MALAT1: variants seen among roughly 807,000 people sequenced by gnomAD.
MALAT1 encodes the protein hepcarcin.
exon 3 of MALAT1, chr11:65,501,723 G>GCA (rs1159633429): frequency 1.9e-6 from 1 of 518,884 alleles, no homozygotes; most frequent in African/African-American, 1.9e-5. Context: ...GAAAAGTACA[G>GCA]CACAGTGCAG....
rs775276724 is a variant in MALAT1 at position 65,503,011 on chromosome 11, C to A, written n.4274C>A. 105 of 502,352 alleles carry A rather than the reference C, an allele frequency of 2.1e-4. 1 individual carries two copies. The highest frequency in any genetic ancestry group is 2.6e-4 in the Non-Finnish European group (66 of 252,510). 31.1% of individuals were successfully genotyped at this position (502,352 alleles called of 1,614,324 possible). On this transcript the variant is annotated non_coding_transcript_exon_variant, in exon 3 of 4. Transcript: ENST00000619449. Reference sequence around the variant, plus strand: ...AAAGCGAAAAGAAATGAAAATGTTACACTACATTAATCCTGGAATAAAAGA... The same window carrying A: ...AAAGCGAAAAGAAATGAAAATGTTAAACTACATTAATCCTGGAATAAAAGA...
chr11:65,497,839 C>T (rs777282598), exon 1 of MALAT1: 12 of 514,818 alleles, frequency 2.3e-5, no homozygotes, highest in Middle Eastern at 3.2e-4. Context: ...AGAAGCCCGG[C>T]GCCGGGAAGC....
chr11:65,504,514 C>T (rs1209578311), intron 3 of MALAT1: 2 of 518,850 alleles, frequency 3.9e-6, no homozygotes, highest in African/African-American at 1.9e-5. Context: ...GTGATAAAGG[C>T]TGAGTGTTGA....
chr11:65,500,772 C>G (rs757657015), exon 3 of MALAT1: 1 of 518,974 alleles, frequency 1.9e-6, no homozygotes, highest in Non-Finnish European at 3.8e-6. Context: ...TGGTAAAAAT[C>G]CGTGAGGTCG....
chr11:65,502,856 A>G (rs757684842), exon 3 of MALAT1: 3 of 497,442 alleles, frequency 6.0e-6, no homozygotes, highest in Admixed American at 4.3e-5. Flanking sequence ...CTACCAATTT[A>G]AAGTTACGGA....
chr11:65,503,389 C>T, exon 3 of MALAT1: 1 of 517,884 alleles, frequency 1.9e-6, no homozygotes, highest in African/African-American at 1.9e-5. Context: ...TGGGATAGTA[C>T]ACTTCACTCA....
chr11:65,500,141 T>G, exon 3 of MALAT1: 1 of 499,786 alleles, frequency 2.0e-6, no homozygotes, highest in East Asian at 5.6e-5. Flanking sequence ...AAGGGGAAGT[T>G]GGTTAAAAAT....
intron 3 of MALAT1, chr11:65,505,741 A>T: frequency 1.9e-6 from 1 of 519,030 alleles, no homozygotes; most frequent in Non-Finnish European, 3.8e-6. Flanking sequence ...TTGTTAACAG[A>T]AGGGTATTAA....
At chr11:65,501,373 T>A (rs561978659) in exon 3 of MALAT1, 1 of 518,514 alleles carries the variant, frequency 1.9e-6, no homozygotes, top group African/African-American at 1.9e-5. Context: ...GTTTACAGTT[T>A]ATAGAAACTA....
chr11:65,503,625 A>G (rs778454991), exon 3 of MALAT1: 2 of 511,310 alleles, frequency 3.9e-6, no homozygotes, highest in Non-Finnish European at 3.9e-6. Context: ...TTTATTAGAG[A>G]ATGTATACTT....
At chr11:65,505,313 T>C (rs765755838) in intron 3 of MALAT1, 2 of 518,782 alleles carry the variant, frequency 3.9e-6, no homozygotes, top group East Asian at 5.4e-5. Flanking sequence ...TGATTTTTAT[T>C]AGTAATGAGG....
exon 1 of MALAT1, chr11:65,497,751 C>T (rs776666757): frequency 1.4e-5 from 6 of 428,862 alleles, no homozygotes; most frequent in South Asian, 3.4e-5. Flanking sequence ...AGCCTGCAGC[C>T]CGAGACTTCT....
exon 3 of MALAT1, chr11:65,503,877 A>G (rs767060409): frequency 5.8e-6 from 3 of 518,326 alleles, no homozygotes; most frequent in Non-Finnish European, 1.2e-5. Context: ...GAGGCCCTCT[A>G]AATAAGGAAT....
exon 3 of MALAT1, chr11:65,501,407 G>C (rs1234842503): frequency 1.9e-6 from 1 of 517,928 alleles, no homozygotes; most frequent in Non-Finnish European, 3.9e-6. Flanking sequence ...GTTGAGGTCT[G>C]TGGAAGAGAT....
exon 3 of MALAT1, chr11:65,499,326 T>A (rs774838204): frequency 2.0e-6 from 1 of 504,024 alleles, no homozygotes. Context: ...AGCTTCTTCA[T>A]GGAGTAAAAA....
chr11:65,498,787 TATG>T lies in MALAT1; in HGVS notation n.231+56_231+58del, dbSNP rs760644031. On this transcript the variant is annotated intron_variant and non_coding_transcript_variant, in intron 2 of 3. Coordinates refer to ENST00000619449, the Ensembl canonical transcript of MALAT1. ...GAGGTGTTTGATGACCCGTTTAAAA[TATG>T]ATTTCCATGTTTCTTTTGTCTAAAG... 5.2e-5 allele frequency: 27 copies of T among 518,976 alleles called. No individual in the cohort carries two copies. The East Asian group carries it at 1.4e-3, about 26-fold the overall frequency. 32.1% of individuals were successfully genotyped at this position (518,976 alleles called of 1,614,324 possible).
exon 3 of MALAT1, chr11:65,501,224 A>AT (rs143530985): frequency 0.027 from 6,171 of 227,064 alleles, 278 homozygotes; most frequent in African/African-American, 0.23. Flanking sequence ...AGTTTTCAGT[A>AT]TTTTTTTTTG....
At chr11:65,500,918 CT>C in exon 3 of MALAT1, 1 of 512,862 alleles carries the variant, frequency 1.9e-6, no homozygotes, top group African/African-American at 2.0e-5. Context: ...GTAGGTTTCT[CT>C]TTTTCAGGCT....
intron 1 of MALAT1, chr11:65,498,089 G>A (rs1189892755): frequency 1.9e-6 from 1 of 518,790 alleles, no homozygotes; most frequent in Non-Finnish European, 3.8e-6. Flanking sequence ...TACCTAACCA[G>A]GCATAACACA....
Sources: gnomAD v4.1 joint callset for allele counts on GRCh38, gnomAD v4.1.1 for gene constraint, MANE v1.5 for transcripts, NCBI Gene and HGNC (gene_info 2026-07-23, HGNC 2026-07-21) for gene names.